The following NAT14 variants were observed in gnomAD, a reference collection of about 807,000 sequenced individuals.
NAT14 encodes probable N-acetyltransferase 14.
NAT14 carries 14 observed loss-of-function variants against 12.1 expected under a neutral mutation model. The observed-to-expected ratio is 1.16, with a 90% CI of 0.76 to 1.81. The LOEUF is 1.81. Ranked by LOEUF, NAT14 falls within the 40% of genes most tolerant of loss-of-function variation. The probability of loss-of-function intolerance (pLI) is 0.00; values close to 1 mark genes in which losing one functional copy is unlikely to be tolerated. For synonymous variants in NAT14, 156 were observed against 145.1 expected (o/e 1.08, Z -0.54); for missense variants, 341 against 304.3 (o/e 1.12, Z -0.90).
intron 1 of NAT14, 141 bp downstream of exon 1, chr19:55,485,399 G>C (rs1453669286): frequency 1.1e-5 from 4 of 350,230 alleles, no homozygotes; most frequent in African/African-American, 8.2e-5. Flanking sequence ...CTGGGAGGGA[G>C]CCCCGTGCTG....
chr19:55,485,607 A>C, intron 1 of NAT14, 54 bp from the exon 2 acceptor site: 2 of 944,434 alleles, frequency 2.1e-6, no homozygotes, highest in South Asian at 1.5e-5. Context: ...CCCTCGGGGG[A>C]GCTTTGGGGA....
At position 55,485,265 on chromosome 19, in the gene NAT14, G is replaced by A. The variant is rs1986883569; in HGVS notation, c.-49+7G>A. 1 of 167,430 alleles carries A rather than the reference G, an allele frequency of 6.0e-6. No individual in the cohort carries two copies. Among genetic ancestry groups the A allele is most frequent in the Admixed American group, 5.9e-5 (1 of 16,854 alleles). 10.4% of individuals were successfully genotyped at this position (167,430 alleles called of 1,614,324 possible). On this transcript the variant is annotated splice_region_variant and intron_variant, in intron 1 of 2. Transcript: ENST00000205194. Reference sequence around the variant, plus strand: ...CCAAAGGCGACCGGTGCAGGTGCTTGCTGGTCCTTGTTCTTGTGGCGCGGG... The same window carrying A: ...CCAAAGGCGACCGGTGCAGGTGCTTACTGGTCCTTGTTCTTGTGGCGCGGG...
In NAT14 at chr19:55,487,378, C is replaced by T. The variant is rs1703672369; in HGVS notation, c.*422C>T. On this transcript the variant is annotated 3_prime_UTR_variant, in exon 3 of 3. Coordinates refer to ENST00000205194, the MANE Select transcript of NAT14 (RefSeq NM_020378.4). ...AGTTAGGGTTTGCGACTCCGCCTCC[C>T]TGGGACCTGGATTGGGTCAGATGCC... The T allele has an allele frequency of 1.2e-5, 5 of 409,558 alleles. No homozygotes were observed. Among genetic ancestry groups the T allele is most frequent in the Non-Finnish European group, 2.1e-5 (5 of 232,838 alleles). 25.4% of individuals were successfully genotyped at this position (409,558 alleles called of 1,614,324 possible).
At chr19:55,485,604 G>A (rs1986893480) in intron 1 of NAT14, 57 bp from the exon 2 acceptor site, 1 of 933,836 alleles carries the variant, frequency 1.1e-6, no homozygotes, top group Non-Finnish European at 1.7e-6. Flanking sequence ...TACCCCTCGG[G>A]GGAGCTTTGG....
rs377549489 is a variant in NAT14 at position 55,486,563 on chromosome 19, C to T, written c.228C>T (p.Ala76=). The stretch of plus-strand genomic sequence containing the variant: ...TGCCGGTGTTCCTGGCTGTGGCCGC[C>T]GTGAAGCTGGGCCTGCGGGCCCGAT... ...LLLPVFLAVA[A]VKLGLRARWG... The change falls in exon 3 of 3, where the codon GCC becomes GCT. Residue 76 remains alanine (A), a synonymous_variant. Transcript: ENST00000205194. 252 of 1,586,164 alleles carry T rather than the reference C, an allele frequency of 1.6e-4. 1 individual carries two copies. In the African/African-American group the frequency reaches 1.7e-3, roughly 11 times the overall value.
rs1411401177 is a variant in NAT14 at position 55,486,981 on chromosome 19, G to C, written c.*25G>C. ...AAGCTACAGACTGACAGCCAGGGCAGGGGAGGAGGGAGGGGCGCCAGCACC... is the reference window on the plus strand; with the variant it reads ...AAGCTACAGACTGACAGCCAGGGCACGGGAGGAGGGAGGGGCGCCAGCACC... On this transcript the variant is annotated 3_prime_UTR_variant, in exon 3 of 3. Coordinates refer to ENST00000205194, the MANE Select transcript of NAT14 (RefSeq NM_020378.4). The C allele has an allele frequency of 2.0e-6, 3 of 1,532,810 alleles. No homozygotes were observed. The East Asian group carries it at 7.4e-5, about 38-fold the overall frequency. 95.0% of individuals were successfully genotyped at this position (1,532,810 alleles called of 1,614,324 possible).
At chr19:55,485,982 C>T in intron 2 of NAT14, 6 of 602,744 alleles carry the variant, frequency 1.0e-5, no homozygotes, top group Non-Finnish European at 1.8e-5. Flanking sequence ...CTACTGGGAC[C>T]CCAGCACCAA....
Position 55,486,464 on chromosome 19 carries a change from G to A in NAT14, c.129G>A (p.Pro43=), listed in dbSNP as rs770556005. 1.9e-6 allele frequency: 3 copies of A among 1,548,050 alleles called. No individual in the cohort carries two copies. The highest frequency in any genetic ancestry group is 2.0e-5 in the Admixed American group (1 of 50,312). Residue 43 remains proline, a synonymous_variant, in exon 3 of 3, where the codon CCG becomes CCA. Transcript: ENST00000205194. ...RVALHALTRP[P]ALLLLAAASS... is the part of the protein sequence containing the mutation. Reference sequence around the variant, plus strand: ...CCCTCCATGCCTTGACACGGCCGCCGGCCCTGCTCCTCCTGGCGGCGGCCA... The same window carrying A: ...CCCTCCATGCCTTGACACGGCCGCCAGCCCTGCTCCTCCTGGCGGCGGCCA...
rs1986936284 is a variant in NAT14 at position 55,486,852 on chromosome 19, G to A, written c.517G>A (p.Ala173Thr). The change falls in exon 3 of 3, where the codon GCC (alanine) becomes ACC (threonine). Residue 173 changes from alanine to threonine, a missense_variant. Ala to Thr is a moderately conservative substitution (Grantham distance 58). Transcript: ENST00000205194. ...GCTCGTGGTCCCCGTGGCTGTGGCC[G>A]CCTGGGGGGTGGGAGGGATGCTGGA... ...ARLVVPVAVA[A>T]WGVGGMLEGC... is the part of the protein sequence containing the mutation. 10 of 1,525,724 alleles carry A rather than the reference G, an allele frequency of 6.6e-6. No homozygotes were observed. The highest frequency in any genetic ancestry group is 1.4e-5 in the African/African-American group (1 of 72,360). 94.5% of individuals were successfully genotyped at this position (1,525,724 alleles called of 1,614,324 possible). A position where few individuals can be genotyped will look rare whatever the true frequency, so the allele number is the denominator to read the frequency against.
chr19:55,485,895 T>G, intron 2 of NAT14, 115 bp downstream of exon 2: 1 of 836,824 alleles, frequency 1.2e-6, no homozygotes, highest in Non-Finnish European at 2.0e-6. Context: ...GAGCGGGATC[T>G]TTTCCTCCTG....
chr19:55,487,029 G>A lies in NAT14; in HGVS notation c.*73G>A, dbSNP rs1270518540. 1.3e-5 allele frequency: 20 copies of A among 1,484,904 alleles called. No homozygotes were observed. In the East Asian group the frequency reaches 4.7e-4, roughly 35 times the overall value. 92.0% of individuals were successfully genotyped at this position (1,484,904 alleles called of 1,614,324 possible). On this transcript the variant is annotated 3_prime_UTR_variant, in exon 3 of 3. Transcript: ENST00000205194. ...ACCTGATGATCGCCTACTGTCTGCG[G>A]GTTCTTTTACCTGCTCTCCCTCAGT...
At position 55,486,546 on chromosome 19, in the gene NAT14, T is replaced by G. The variant is rs774820245; in HGVS notation, c.211T>G (p.Phe71Val). 2.5e-6 allele frequency: 4 copies of G among 1,588,980 alleles called. No individual in the cohort carries two copies. In the African/African-American group the frequency reaches 5.4e-5, roughly 22 times the overall value. ...CGCCCTGGCCCTCCTCCTGCCGGTG[T>G]TCCTGGCTGTGGCCGCCGTGAAGCT... is the stretch of plus-strand genomic sequence containing the variant. ...SFALALLLPV[F>V]LAVAAVKLGL... The change falls in exon 3 of 3, where the codon TTC becomes GTC. Residue 71 changes from phenylalanine (F) to valine (V), a missense_variant. Physicochemically the swap from Phe to Val is conservative, Grantham distance 50. Coordinates refer to ENST00000205194, the MANE Select transcript of NAT14 (RefSeq NM_020378.4).
At position 55,487,168 on chromosome 19, in the gene NAT14, A is replaced by G. The variant is rs1986950377; in HGVS notation, c.*212A>G. 1.4e-6 allele frequency: 1 copy of G among 721,872 alleles called. No individual in the cohort carries two copies. The highest frequency in any genetic ancestry group is 2.2e-5 in the South Asian group (1 of 44,972). The allele number at this position is 721,872 out of a possible 1,614,324, so 44.7% of individuals were successfully genotyped here. On this transcript the variant is annotated 3_prime_UTR_variant, in exon 3 of 3. Coordinates refer to ENST00000205194, the MANE Select transcript of NAT14 (RefSeq NM_020378.4). ...TTGTGTTTGAGCTTCTCAGAGTGGA[A>G]TGACTCCTTTTCCTTCCTGGCCCTC...
chr19:55,487,412 G>C lies in NAT14; in HGVS notation c.*456G>C. 2.5e-6 allele frequency: 1 copy of C among 404,682 alleles called. No homozygotes were observed. Among genetic ancestry groups the C allele is most frequent in the Non-Finnish European group, 4.4e-6 (1 of 229,792 alleles). 25.1% of individuals were successfully genotyped at this position (404,682 alleles called of 1,614,324 possible). ...GGATTGGGTCAGATGCCTGTCCTTG[G>C]AGGGGACAAGGTTGACTGCTTAGGA... On this transcript the variant is annotated 3_prime_UTR_variant, in exon 3 of 3. Transcript: ENST00000205194.
At position 55,485,674 on chromosome 19, in the gene NAT14, G is replaced by A; in HGVS notation, c.-35G>A. ...TGTTCTCACCAGGTGCACGACGCCA[G>A]CTCCCTTCTGGGGGGCCGGGGCCTG... On this transcript the variant is annotated 5_prime_UTR_variant, in exon 2 of 3. Coordinates refer to ENST00000205194, the MANE Select transcript of NAT14 (RefSeq NM_020378.4). The A allele has an allele frequency of 3.3e-6, 5 of 1,529,104 alleles. No homozygotes were observed. Among genetic ancestry groups the A allele is most frequent in the Non-Finnish European group, 4.4e-6 (5 of 1,126,972 alleles). 94.7% of individuals were successfully genotyped at this position (1,529,104 alleles called of 1,614,324 possible).
At chr19:55,486,366 C>A in intron 2 of NAT14, 42 bp from the exon 3 acceptor site, 1 of 1,408,568 alleles carries the variant, frequency 7.1e-7, no homozygotes, top group Non-Finnish European at 9.2e-7. Flanking sequence ...GTCCAGGAGG[C>A]CCTAGCGTTT....
chr19:55,485,589 C>T (rs1986893093), intron 1 of NAT14, 72 bp from the exon 2 acceptor site: 1 of 809,898 alleles, frequency 1.2e-6, no homozygotes, highest in Non-Finnish European at 2.0e-6. Context: ...GCCGTTGCTG[C>T]TCCCTACCCC....
Position 55,486,490 on chromosome 19 carries a change from G to A in NAT14, c.155G>A (p.Ser52Asn). The change falls in exon 3 of 3, where the codon AGC (serine) becomes AAC (asparagine). Residue 52 changes from serine (S) to asparagine (N), a missense_variant. Ser to Asn is a conservative substitution (Grantham distance 46, BLOSUM62 1). Coordinates refer to ENST00000205194, the MANE Select transcript of NAT14 (RefSeq NM_020378.4). ...PPALLLLAAASSGLRFVLASF... is the reference protein window; with the variant it reads ...PPALLLLAAANSGLRFVLASF... The stretch of plus-strand genomic sequence containing the variant: ...GCCCTGCTCCTCCTGGCGGCGGCCA[G>A]CAGCGGCCTGCGCTTTGTCCTGGCT... 1 of 1,567,914 alleles carries A rather than the reference G, an allele frequency of 6.4e-7. No homozygotes were observed.
rs1986959016 is a variant in NAT14, at chr19:55,487,370, C to T, written c.*414C>T. 2.4e-6 allele frequency: 1 copy of T among 408,700 alleles called. No homozygotes were observed. Among genetic ancestry groups the T allele is most frequent in the Non-Finnish European group, 4.3e-6 (1 of 232,270 alleles). 25.3% of individuals were successfully genotyped at this position (408,700 alleles called of 1,614,324 possible). A position where few individuals can be genotyped will look rare whatever the true frequency, so the allele number is the denominator to read the frequency against. The stretch of plus-strand genomic sequence containing the variant: ...CACCCCAGAGTTAGGGTTTGCGACT[C>T]CGCCTCCCTGGGACCTGGATTGGGT... On this transcript the variant is annotated 3_prime_UTR_variant, in exon 3 of 3. Transcript: ENST00000205194.
Sources: allele counts gnomAD v4.1 joint callset, GRCh38; gene constraint gnomAD v4.1.1; transcripts MANE v1.5; gene names NCBI Gene and HGNC (gene_info 2026-07-23, HGNC 2026-07-21).